Variants in LYST observed in about 807,000 individuals in gnomAD.
The protein encoded by LYST is lysosomal trafficking regulator.
LYST carries 192 observed loss-of-function variants against 413.6 expected under a neutral mutation model. The observed-to-expected ratio is 0.46, with a 90% CI of 0.41 to 0.52. The LOEUF is 0.52. Ranked by LOEUF, LYST falls within the 20% of genes least tolerant of loss-of-function variation. LYST has a pLI of 0.00. For missense variants in LYST, 3,815 were observed against 4,499.9 expected (o/e 0.85, Z 4.35); for synonymous variants, 1,525 against 1,567.3 (o/e 0.97, Z 0.64).
At chr1:235,705,644 C>A (rs529343008) in intron 44 of LYST, among the ~76,000 whole-genome samples, 1 of 152,032 alleles carries the variant, frequency 6.6e-6, no homozygotes, top group South Asian at 2.1e-4. Flanking sequence ...CCTCAGTCTC[C>A]CAGAGCATTT....
intron 24 of LYST, 44 bp from the exon 25 acceptor site, chr1:235,755,691 AAATAT>A (rs745945442): frequency 3.6e-5 from 35 of 975,596 alleles, no homozygotes; most frequent in Non-Finnish European, 4.9e-5. Flanking sequence ...CATTAAAATT[AAATAT>A]AATATATACA....
intron 1 of LYST, among the ~76,000 whole-genome samples, chr1:235,847,377 G>T (rs967683176): frequency 6.6e-6 from 1 of 152,132 alleles, no homozygotes; most frequent in Non-Finnish European, 1.5e-5. Context: ...GCTAAAAGGA[G>T]CTCCAAGTCT....
chr1:235,669,343 T>G (rs1283402714), intron 50 of LYST, among the ~76,000 whole-genome samples: 2 of 152,128 alleles, frequency 1.3e-5, no homozygotes, highest in Non-Finnish European at 2.9e-5. Context: ...TTCCTAGAAC[T>G]AAATTCAAAG....
chr1:235,726,665 T>A (rs548252234), intron 38 of LYST, among the ~76,000 whole-genome samples: 12 of 152,060 alleles, frequency 7.9e-5, no homozygotes, highest in South Asian at 4.2e-4. Flanking sequence ...GAAAAAAAAA[T>A]TTTCCTCTTT....
intron 42 of LYST, 62 bp downstream of exon 42, chr1:235,715,139 T>C (rs1181541136): frequency 7.9e-6 from 10 of 1,264,500 alleles, no homozygotes; most frequent in Non-Finnish European, 1.0e-5. Flanking sequence ...TAAGTTGTTG[T>C]TGTTGTTGTT....
intron 22 of LYST, among the ~76,000 whole-genome samples, chr1:235,760,427 A>G (rs1435933221): frequency 6.6e-6 from 1 of 152,168 alleles, no homozygotes; most frequent in East Asian, 1.9e-4. Context: ...ATTAGTGAGA[A>G]TAGTTTCTTT....
rs1017616836 is a variant in LYST at position 235,677,638 on chromosome 1, G to A, written c.10801-19C>T. On this transcript the variant is annotated intron_variant, in intron 48 of 52. Coordinates refer to ENST00000389793, the MANE Select transcript of LYST (RefSeq NM_000081.4). ...CTGATGGCTGAAATTTTAAAATTAA[G>A]TATGAGATAAAAACCACAACAAAAA... The A allele has an allele frequency of 6.2e-7, 1 of 1,603,862 alleles. No individual in the cohort carries two copies. Among genetic ancestry groups the A allele is most frequent in the Admixed American group, 1.7e-5 (1 of 59,974 alleles).
chr1:235,731,979 T>C (rs968162180), intron 34 of LYST, among the ~76,000 whole-genome samples: 39 of 152,172 alleles, frequency 2.6e-4, no homozygotes, highest in African/African-American at 8.9e-4. Context: ...GAAAAACATA[T>C]TAAGTACATT....
chr1:235,758,737 T>TA (rs1279557917), intron 23 of LYST, among the ~76,000 whole-genome samples: 3 of 151,900 alleles, frequency 2.0e-5, no homozygotes, highest in South Asian at 2.1e-4. Flanking sequence ...ACAATATATA[T>TA]TTTTTAAGTG....
At position 235,854,777 on chromosome 1, in the gene LYST, C is replaced by T. The variant is rs1040301964; in HGVS notation, c.-98+12066G>A. Among the ~76,000 whole-genome samples, 5 of 152,090 alleles carry T rather than the reference C, an allele frequency of 3.3e-5. No individual in the cohort carries two copies. Among genetic ancestry groups the T allele is most frequent in the Admixed American group, 3.3e-4 (5 of 15,274 alleles). ...TCTGGTCCTTCCCCCTAATCTTACA[C>T]CTAAGCATCCTTAGACCTTCAACTC... On this transcript the variant is annotated intron_variant, in intron 1 of 52. Transcript: ENST00000389793. This position sits in a 1 kb window ranked among gnomAD's most constrained non-coding sequence, Gnocchi z 4.1.
chr1:235,830,366 G>T lies in LYST; in HGVS notation c.52C>A (p.Arg18=). ...CTCTGGACCACTGCATTGCAAAGCC[G>T]GTTGACATCGGTCAGAAATTCACGT... ...LAREFLTDVN[R]LCNAVVQRVE... is the part of the protein sequence containing the mutation. Residue 18 remains arginine, a synonymous_variant, in exon 3 of 53, where the codon CGG becomes AGG. Coordinates refer to ENST00000389793, the MANE Select transcript of LYST (RefSeq NM_000081.4). The T allele has an allele frequency of 6.2e-7, 1 of 1,613,652 alleles. No individual in the cohort carries two copies.
intron 23 of LYST, 127 bp from the exon 24 acceptor site, chr1:235,757,585 G>A: frequency 2.7e-6 from 2 of 737,096 alleles, no homozygotes; most frequent in South Asian, 1.5e-5. Flanking sequence ...CTTAAGAAAT[G>A]TTTCCTAATT....
At chr1:235,703,950 CTCTT>C (rs1404810615) in intron 44 of LYST, among the ~76,000 whole-genome samples, 1 of 152,156 alleles carries the variant, frequency 6.6e-6, no homozygotes, top group Non-Finnish European at 1.5e-5. Context: ...CGTTGTTCCC[CTCTT>C]TGTGTCCATG....
intron 3 of LYST, chr1:235,829,282 CCTTAG>C (rs1675684395): frequency 6.6e-6 from 1 of 152,138 alleles, no homozygotes; most frequent in Non-Finnish European, 1.5e-5. Flanking sequence ...TTGCTATGTT[CCTTAG>C]CTTACAGTGA....
intron 6 of LYST, among the ~76,000 whole-genome samples, chr1:235,804,871 T>C (rs1672641790): frequency 6.6e-6 from 1 of 152,194 alleles, no homozygotes; most frequent in African/African-American, 2.4e-5. Context: ...AAATACTTAG[T>C]TCATCTTATT....
chr1:235,832,252 T>A (rs1022029675), intron 2 of LYST, among the ~76,000 whole-genome samples: 1 of 152,250 alleles, frequency 6.6e-6, no homozygotes, highest in Non-Finnish European at 1.5e-5. Context: ...TGCACTCATG[T>A]GCAGGCCAGG....
intron 3 of LYST, among the ~76,000 whole-genome samples, chr1:235,822,089 A>G (rs978555259): frequency 3.3e-5 from 5 of 152,280 alleles, no homozygotes; most frequent in Admixed American, 6.5e-5. Context: ...TTATTAAAAA[A>G]TACTAACAGC....
intron 28 of LYST, among the ~76,000 whole-genome samples, chr1:235,750,603 A>T (rs900494126): frequency 4.6e-5 from 7 of 152,194 alleles, no homozygotes; most frequent in African/African-American, 1.7e-4. Context: ...TATCCTGTGT[A>T]TGTGGTGTTC....
chr1:235,681,112 A>G lies in LYST; in HGVS notation c.10801-3493T>C, dbSNP rs1460331557. Among the ~76,000 whole-genome samples, 7 of 152,308 alleles carry G rather than the reference A, an allele frequency of 4.6e-5. No homozygotes were observed. In the East Asian group the frequency reaches 1.4e-3, roughly 29 times the overall value. On this transcript the variant is annotated intron_variant, in intron 48 of 52. Transcript: ENST00000389793. ...CACAAAGAACTCCGGGGACCCACAGATAAGTCGCTTCCTCAGACTGGGGAC... is the reference window on the plus strand; with the variant it reads ...CACAAAGAACTCCGGGGACCCACAGGTAAGTCGCTTCCTCAGACTGGGGAC...
Sources: gnomAD v4.1 joint callset for allele counts (sites outside exome capture counted in the v4.1 genomes callset) on GRCh38, gnomAD v4.1.1 for gene constraint, Gnocchi (gnomAD v3.1) non-coding constraint, MANE v1.5 for transcripts, NCBI Gene and HGNC (gene_info 2026-07-23, HGNC 2026-07-21) for gene names.